The following ZFYVE26 variants were observed in gnomAD, a reference collection of about 807,000 sequenced individuals.
The protein encoded by ZFYVE26 is zinc finger FYVE-type containing 26.
A neutral mutation model predicts 276.5 loss-of-function variants in ZFYVE26; 181 were observed. The ratio of observed to expected loss-of-function variants is 0.65; its 90% CI spans 0.58 to 0.74. ZFYVE26 has a LOEUF of 0.74. Ranked by LOEUF, ZFYVE26 falls within the 30% of genes least tolerant of loss-of-function variation. ZFYVE26 has a pLI of 0.00. For missense variants in ZFYVE26, 2,821 were observed against 3,097.9 expected (o/e 0.91, Z 2.12); for synonymous variants, 1,129 against 1,203.1 (o/e 0.94, Z 1.27).
intron 26 of ZFYVE26, 82 bp downstream of exon 26, chr14:67,775,778 A>C: frequency 6.2e-7 from 1 of 1,606,982 alleles, no homozygotes; most frequent in Non-Finnish European, 8.5e-7. Context: ...AAAATATTAA[A>C]AGGGGAGCAA....
At chr14:67,785,718 A>C in intron 18 of ZFYVE26, 140 bp downstream of exon 18, 1 of 1,144,492 alleles carries the variant, frequency 8.7e-7, no homozygotes, top group Admixed American at 1.7e-5. Flanking sequence ...CGAGACATTG[A>C]GACATGCCCT....
At chr14:67,781,659 A>G in intron 21 of ZFYVE26, 130 bp from the exon 22 acceptor site, 1 of 816,176 alleles carries the variant, frequency 1.2e-6, no homozygotes, top group Non-Finnish European at 2.0e-6. Flanking sequence ...CTTAAGATGG[A>G]TGTGATCTTA....
chr14:67,752,322 A>G, intron 40 of ZFYVE26, 22 bp downstream of exon 40: 2 of 1,601,706 alleles, frequency 1.2e-6, no homozygotes, highest in Admixed American at 1.7e-5. Flanking sequence ...GGAGGAGCCA[A>G]GAGGTACGGG....
At position 67,806,614 on chromosome 14, in the gene ZFYVE26, T is replaced by C. The variant is rs928843434; in HGVS notation, c.948A>G (p.Pro316=). The part of the protein sequence containing the change: ...AMLALFSNPN[P]AEAWKVAYFY... Reference sequence around the variant, plus strand: ...AATAGGCCACTTTCCAAGCCTCGGCTGGGTTGGGATTGGAGAACAGGGCTA... The same window carrying C: ...AATAGGCCACTTTCCAAGCCTCGGCCGGGTTGGGATTGGAGAACAGGGCTA... The change falls in exon 6 of 42, where the codon CCA becomes CCG. Residue 316 remains proline, a synonymous_variant. Coordinates refer to ENST00000347230, the MANE Select transcript of ZFYVE26 (RefSeq NM_015346.4). The C allele has an allele frequency of 3.7e-6, 6 of 1,614,220 alleles. No individual in the cohort carries two copies. In the East Asian group the frequency reaches 8.9e-5, roughly 24 times the overall value.
chr14:67,747,079 T>G lies in ZFYVE26; in HGVS notation c.*1357A>C, dbSNP rs2038502631. The G allele has an allele frequency of 6.6e-6, 1 of 152,628 alleles. No individual in the cohort carries two copies. The highest frequency in any genetic ancestry group is 1.5e-5 in the Non-Finnish European group (1 of 68,048). The allele number at this position is 152,628 out of a possible 1,614,324, so 9.5% of individuals were successfully genotyped here. A position where few individuals can be genotyped will look rare whatever the true frequency, so the allele number is the denominator to read the frequency against. ...CCAGTTTCTGTTTGTCTCAGCATCA[T>G]GGATGGGACCAATAGGCTGAGCTCT... On this transcript the variant is annotated 3_prime_UTR_variant, in exon 42 of 42. Transcript: ENST00000347230.
intron 27 of ZFYVE26, 124 bp from the exon 28 acceptor site, chr14:67,772,334 T>A: frequency 1.8e-6 from 2 of 1,130,206 alleles, no homozygotes; most frequent in Non-Finnish European, 2.6e-6. Context: ...CAGTTAATGA[T>A]CATCAGTGAC....
In ZFYVE26 at chr14:67,808,262, G is replaced by C. The variant is rs138801741; in HGVS notation, c.364-342C>G. ...AATGTGTACTGGTGATGTGAATCAA[G>C]GTCTGCCAACTCACAGACCAGGTAA... On this transcript the variant is annotated intron_variant, in intron 4 of 41. Coordinates refer to ENST00000347230, the MANE Select transcript of ZFYVE26 (RefSeq NM_015346.4). Among the ~76,000 whole-genome samples the C allele has an allele frequency of 4.7e-4, 72 of 152,232 alleles. No homozygotes were observed. The East Asian group carries it at 5.4e-3, about 11-fold the overall frequency.
At chr14:67,809,408 C>CTTTTTTT (rs10580613) in intron 3 of ZFYVE26, 119 bp from the exon 4 acceptor site, 21 of 213,492 alleles carry the variant, frequency 9.8e-5, no homozygotes, top group African/African-American at 6.5e-4. Flanking sequence ...ATGAAGCACT[C>CTTTTTTT]TTTTTTTTTT....
intron 21 of ZFYVE26, among the ~76,000 whole-genome samples, chr14:67,781,806 A>G (rs2039507897): frequency 6.6e-6 from 1 of 152,212 alleles, no homozygotes; most frequent in Non-Finnish European, 1.5e-5. Context: ...GAAGGAAGGA[A>G]TGAAGGAAGG....
At chr14:67,756,763 C>CA (rs2038789783) in intron 35 of ZFYVE26, among the ~76,000 whole-genome samples, 1 of 152,178 alleles carries the variant, frequency 6.6e-6, no homozygotes, top group Non-Finnish European at 1.5e-5. Flanking sequence ...CATCCAGGCT[C>CA]ACTGTTTAAT....
Position 67,798,357 on chromosome 14 carries a change from C to T in ZFYVE26, c.1905G>A (p.Leu635=), listed in dbSNP as rs2040003657. 1 of 1,609,726 alleles carries T rather than the reference C, an allele frequency of 6.2e-7. No homozygotes were observed. The highest frequency in any genetic ancestry group is 1.7e-5 in the Admixed American group (1 of 59,540). ...TATAAGCAAGGGTCTTTGGGACTCC[C>T]AGGGAACCCCGTTCTGACTTCCTTT... ...HPERKSERGS[L]GVPKTLAYTM... is the part of the protein sequence containing the mutation. Residue 635 remains leucine (L), a synonymous_variant, in exon 11 of 42, where the codon CTG becomes CTA. Transcript: ENST00000347230.
intron 27 of ZFYVE26, among the ~76,000 whole-genome samples, chr14:67,773,691 T>TG: frequency 6.6e-6 from 1 of 152,150 alleles, no homozygotes; most frequent in Non-Finnish European, 1.5e-5. Flanking sequence ...CCATGAAGCA[T>TG]GGCTAATTCT....
intron 39 of ZFYVE26, 149 bp from the exon 40 acceptor site, chr14:67,752,675 A>C: frequency 1.1e-6 from 1 of 899,134 alleles, no homozygotes; most frequent in Non-Finnish European, 1.8e-6. Context: ...CCAAACAAAA[A>C]GCAAGCGTCA....
chr14:67,785,069 G>A lies in ZFYVE26; in HGVS notation c.3513C>T (p.Ser1171=). Reference sequence around the variant, plus strand: ...TTTCTTGCTACCTACCAGGCTCAGAGCTCAAACTTTGAAGGAGAACTGCAG... The same window carrying A: ...TTTCTTGCTACCTACCAGGCTCAGAACTCAAACTTTGAAGGAGAACTGCAG... ...TLAAVLLQSL[S]SEPDHVEVKV... is the part of the protein sequence containing the mutation. The change falls in exon 19 of 42, where the codon AGC becomes AGT. Residue 1171 remains serine, a synonymous_variant. Coordinates refer to ENST00000347230, the MANE Select transcript of ZFYVE26 (RefSeq NM_015346.4). The A allele has an allele frequency of 6.2e-7, 1 of 1,614,188 alleles. No homozygotes were observed. The highest frequency in any genetic ancestry group is 8.5e-7 in the Non-Finnish European group (1 of 1,180,032).
At position 67,815,542 on chromosome 14, in the gene ZFYVE26, C is replaced by T. The variant is rs898480126; in HGVS notation, c.194+228G>A. 2.4e-5 allele frequency: 14 copies of T among 593,932 alleles called. No individual in the cohort carries two copies. In the Admixed American group the frequency reaches 3.1e-4, roughly 13 times the overall value. 36.8% of individuals were successfully genotyped at this position (593,932 alleles called of 1,614,324 possible). A position where few individuals can be genotyped will look rare whatever the true frequency, so the allele number is the denominator to read the frequency against. ...AAACAAGAAATGGCAGTTTCAGGCA[C>T]ACTTTGGCAGCCAGGCTTACATTCA... On this transcript the variant is annotated intron_variant, in intron 2 of 41. Coordinates refer to ENST00000347230, the MANE Select transcript of ZFYVE26 (RefSeq NM_015346.4).
chr14:67,781,244 T>C (rs1433604302), intron 22 of ZFYVE26, 89 bp downstream of exon 22: 12 of 1,501,528 alleles, frequency 8.0e-6, no homozygotes. Context: ...TATTTTCTCT[T>C]TCTTAAAGTC....
Position 67,789,581 on chromosome 14 carries a change from T to C in ZFYVE26, c.2773A>G (p.Ile925Val), listed in dbSNP as rs776812324. 1.4e-5 allele frequency: 22 copies of C among 1,614,000 alleles called. No homozygotes were observed. The highest frequency in any genetic ancestry group is 3.3e-4 in the Middle Eastern group (2 of 6,084). The change falls in exon 16 of 42, where the codon ATC becomes GTC. Residue 925 changes from isoleucine (I) to valine (V), a missense_variant. By Grantham distance (29) the Ile-to-Val change is conservative. Transcript: ENST00000347230. ...AAAAGMVFYSISDVTDKLLNT... is the reference protein window; with the variant it reads ...AAAAGMVFYSVSDVTDKLLNT... ...AGCAGCTTGTCAGTCACGTCAGAGA[T>C]AGAGTAAAACACCATTCCTGGCCGC...
chr14:67,783,849 T>C (rs529486288), intron 20 of ZFYVE26, among the ~76,000 whole-genome samples: 5 of 152,238 alleles, frequency 3.3e-5, no homozygotes, highest in Non-Finnish European at 7.3e-5. Flanking sequence ...GTTGGTACTA[T>C]ATACAAGATT....
At chr14:67,755,283 T>G in intron 36 of ZFYVE26, 33 bp from the exon 37 acceptor site, 1 of 1,612,070 alleles carries the variant, frequency 6.2e-7, no homozygotes, top group Non-Finnish European at 8.5e-7. Context: ...CAGGTCAAAG[T>G]AGATCAGGGG....
Sources: allele counts gnomAD v4.1 joint callset (sites outside exome capture counted in the v4.1 genomes callset), GRCh38; gene constraint gnomAD v4.1.1; transcripts MANE v1.5; gene names NCBI Gene and HGNC (gene_info 2026-07-23, HGNC 2026-07-21).